The following CDYL2 variants were observed in gnomAD, a reference collection of about 807,000 sequenced individuals.
CDYL2 encodes the protein chromodomain Y like 2, also known as chromodomain Y-like protein 2.
In CDYL2, 23 loss-of-function variants were observed where a neutral mutation model predicts 49.4. That is an observed-to-expected ratio of 0.47 (90% CI 0.34 to 0.66). CDYL2 has a LOEUF of 0.66. Among genes scored for constraint, CDYL2 ranks in the 30% least tolerant of loss-of-function variants. CDYL2 has a pLI of 0.01. For synonymous variants in CDYL2, 360 were observed against 268.8 expected (o/e 1.34, Z -3.32); for missense variants, 678 against 656.4 (o/e 1.03, Z -0.36).
At chr16:80,693,890 T>C (rs1173281069) in intron 1 of CDYL2, among the ~76,000 whole-genome samples, 2 of 152,144 alleles carry the variant, frequency 1.3e-5, no homozygotes, top group Admixed American at 6.5e-5. Flanking sequence ...CAGTGACAAA[T>C]GAATCTCACT....
intron 2 of CDYL2, among the ~76,000 whole-genome samples, chr16:80,647,620 T>C (rs1050573711): frequency 5.9e-5 from 9 of 152,160 alleles, no homozygotes; most frequent in African/African-American, 1.4e-4. Context: ...ACTTTCAGTA[T>C]TGGACAGATC....
In CDYL2 at chr16:80,684,520, G is replaced by C; in HGVS notation, c.616+18C>G. 1 of 1,600,770 alleles carries C rather than the reference G, an allele frequency of 6.2e-7. No individual in the cohort carries two copies. The highest frequency in any genetic ancestry group is 8.5e-7 in the Non-Finnish European group (1 of 1,172,254). On this transcript the variant is annotated intron_variant, in intron 2 of 6. Transcript: ENST00000570137. ...GCCATGGCCAGAGCCAAACCCAAGA[G>C]AAAGAAAAGCTACAAACCGAGCCCG... is the stretch of plus-strand genomic sequence containing the variant.
At chr16:80,692,699 A>C (rs564244486) in intron 1 of CDYL2, among the ~76,000 whole-genome samples, 133 of 152,366 alleles carry the variant, frequency 8.7e-4, no homozygotes, top group Middle Eastern at 3.4e-3. Flanking sequence ...AAGCAAAACT[A>C]TAATAATGTG....
rs567265343 is a variant in CDYL2 at position 80,797,072 on chromosome 16, C to T, written c.24+7078G>A. Among the ~76,000 whole-genome samples the T allele has an allele frequency of 2.7e-3, 412 of 152,280 alleles. 6 individuals carry two copies. The highest frequency in any genetic ancestry group is 2.6e-3 in the Non-Finnish European group (178 of 68,022). On this transcript the variant is annotated intron_variant, in intron 1 of 6. Transcript: ENST00000570137. ...TTCTCTTCTTCCATCTCTAAAATGT[C>T]CACTTTCTCCATCACAAGACCCCTC...
chr16:80,757,175 AAT>A (rs1470735168), intron 1 of CDYL2, among the ~76,000 whole-genome samples: 1 of 152,216 alleles, frequency 6.6e-6, no homozygotes, highest in Admixed American at 6.5e-5. Flanking sequence ...TTGAAGTTAA[AAT>A]ATCAACTAAG....
intron 4 of CDYL2, among the ~76,000 whole-genome samples, chr16:80,614,101 A>G (rs886748707): frequency 5.9e-5 from 9 of 152,228 alleles, no homozygotes; most frequent in African/African-American, 1.7e-4. Context: ...GCTTCCATCA[A>G]TATTGGAATT....
intron 1 of CDYL2, among the ~76,000 whole-genome samples, chr16:80,759,399 A>AT (rs983878078): frequency 2.0e-5 from 3 of 151,968 alleles, no homozygotes; most frequent in Non-Finnish European, 4.4e-5. Flanking sequence ...AAGCAATGTG[A>AT]TTTTTTTGTC....
chr16:80,761,216 G>T (rs1016977045), intron 1 of CDYL2, among the ~76,000 whole-genome samples: 1 of 152,120 alleles, frequency 6.6e-6, no homozygotes, highest in African/African-American at 2.4e-5. Context: ...GAACAAGCCC[G>T]CCAGGGGATT....
intron 1 of CDYL2, among the ~76,000 whole-genome samples, chr16:80,718,334 A>G (rs1904881869): frequency 6.6e-6 from 1 of 152,256 alleles, no homozygotes; most frequent in African/African-American, 2.4e-5. Flanking sequence ...GCAAACTCAC[A>G]TAATAGTTAA....
At chr16:80,671,038 C>G (rs1299578932) in intron 2 of CDYL2, 18 of 455,530 alleles carry the variant, frequency 4.0e-5, no homozygotes, top group Non-Finnish European at 7.9e-5. Context: ...TGACTTTCCT[C>G]TATGGCATCC....
intron 1 of CDYL2, among the ~76,000 whole-genome samples, chr16:80,759,178 T>G: frequency 7.6e-6 from 1 of 130,730 alleles, no homozygotes; most frequent in South Asian, 2.5e-4. Context: ...ATATATATGG[T>G]GTGTATATAT....
At chr16:80,635,019 C>A (rs747063908) in intron 2 of CDYL2, among the ~76,000 whole-genome samples, 76 of 152,116 alleles carry the variant, frequency 5.0e-4, no homozygotes, top group Non-Finnish European at 7.4e-4. Context: ...AAAGACATTA[C>A]AAGAACACAG....
chr16:80,602,377 C>T lies in CDYL2; in HGVS notation c.*2011G>A, dbSNP rs1328917638. ...GAGAGGTTTCCCCTCCTTCCTGACCCTCATGAACTCTTAAAGGAGACACGC... is the reference window on the plus strand; with the variant it reads ...GAGAGGTTTCCCCTCCTTCCTGACCTTCATGAACTCTTAAAGGAGACACGC... On this transcript the variant is annotated 3_prime_UTR_variant, in exon 7 of 7. Coordinates refer to ENST00000570137, the MANE Select transcript of CDYL2 (RefSeq NM_152342.4). 6.6e-6 allele frequency: 1 copy of T among 152,114 alleles called. No homozygotes were observed. The highest frequency in any genetic ancestry group is 2.4e-5 in the African/African-American group (1 of 41,410). The allele number at this position is 152,114 out of a possible 1,614,324, so 9.4% of individuals were successfully genotyped here.
intron 1 of CDYL2, among the ~76,000 whole-genome samples, chr16:80,764,355 G>C (rs1906639813): frequency 6.6e-6 from 1 of 152,096 alleles, no homozygotes; most frequent in Non-Finnish European, 1.5e-5. Flanking sequence ...AGAGATATGG[G>C]AAAACTGAGC....
At chr16:80,683,221 T>C (rs8052730) in intron 2 of CDYL2, among the ~76,000 whole-genome samples, 88,445 of 152,204 alleles carry the variant, frequency 0.58, 26,389 homozygotes, top group Middle Eastern at 0.74. Context: ...CCTGCCCTGT[T>C]GGGCAATGGT....
At chr16:80,642,679 C>G (rs1908153808) in intron 2 of CDYL2, among the ~76,000 whole-genome samples, 1 of 152,080 alleles carries the variant, frequency 6.6e-6, no homozygotes, top group Non-Finnish European at 1.5e-5. Context: ...AAAGGCACTT[C>G]TTACATAGCA....
At chr16:80,720,306 CA>C (rs1249161721) in intron 1 of CDYL2, among the ~76,000 whole-genome samples, 1 of 152,162 alleles carries the variant, frequency 6.6e-6, no homozygotes, top group Non-Finnish European at 1.5e-5. Context: ...GCCAGAACAT[CA>C]AGGAAGCAAA....
chr16:80,701,391 A>T (rs1004143890), intron 1 of CDYL2, among the ~76,000 whole-genome samples: 1 of 152,140 alleles, frequency 6.6e-6, no homozygotes, highest in African/African-American at 2.4e-5. Flanking sequence ...TTTCTATTCA[A>T]ATTCTTCTGT....
intron 1 of CDYL2, among the ~76,000 whole-genome samples, chr16:80,779,531 A>G (rs1339443282): frequency 1.3e-5 from 2 of 152,128 alleles, no homozygotes; most frequent in Admixed American, 1.3e-4. Context: ...TCATAAGAAA[A>G]TAACAGCAAT....
Sources: allele counts gnomAD v4.1 joint callset (sites outside exome capture counted in the v4.1 genomes callset), GRCh38; gene constraint gnomAD v4.1.1; transcripts MANE v1.5; gene names NCBI Gene and HGNC (gene_info 2026-07-23, HGNC 2026-07-21).